Variants in SH3PXD2A observed in about 807,000 individuals in gnomAD.
SH3PXD2A encodes SH3 and PX domains 2A.
In SH3PXD2A, 32 loss-of-function variants were observed where a neutral mutation model predicts 115.2. That is an observed-to-expected ratio of 0.28 (90% CI 0.21 to 0.37). SH3PXD2A has a LOEUF of 0.37. Among genes scored for constraint, SH3PXD2A ranks in the 10% least tolerant of loss-of-function variants. The pLI is 1.00. For missense variants in SH3PXD2A, 1,328 were observed against 1,498.7 expected (o/e 0.89, Z 1.88); for synonymous variants, 610 against 629.1 (o/e 0.97, Z 0.45).
At chr10:103,789,458 G>A (rs1004287632) in intron 2 of SH3PXD2A, among the ~76,000 whole-genome samples, 1 of 152,170 alleles carries the variant, frequency 6.6e-6, no homozygotes, top group African/African-American at 2.4e-5. Context: ...GGTGCCAGGA[G>A]GCACTTGAAA....
chr10:103,839,106 T>G (rs540931568), intron 1 of SH3PXD2A, among the ~76,000 whole-genome samples: 1 of 152,320 alleles, frequency 6.6e-6, no homozygotes, highest in South Asian at 2.1e-4. Context: ...CCCTTGGCTG[T>G]GGACATAATC....
intron 3 of SH3PXD2A, among the ~76,000 whole-genome samples, chr10:103,755,909 C>G (rs1219872138): frequency 1.3e-5 from 2 of 152,196 alleles, no homozygotes; most frequent in African/African-American, 4.8e-5. Flanking sequence ...ACAGTTGAAG[C>G]CTGCAGGGGT....
At chr10:103,604,649 G>A (rs1219581035) in intron 14 of SH3PXD2A, among the ~76,000 whole-genome samples, 1 of 152,126 alleles carries the variant, frequency 6.6e-6, no homozygotes, top group East Asian at 1.9e-4. Context: ...AAGGAGGGAG[G>A]GAAAGGTGAA....
chr10:103,643,917 C>A (rs540590045), intron 8 of SH3PXD2A, among the ~76,000 whole-genome samples: 1 of 151,204 alleles, frequency 6.6e-6, no homozygotes, highest in African/African-American at 2.4e-5. Flanking sequence ...CGAGACTATC[C>A]TGGCTAACAG....
At chr10:103,639,775 C>A (rs961280119) in intron 8 of SH3PXD2A, among the ~76,000 whole-genome samples, 2 of 152,142 alleles carry the variant, frequency 1.3e-5, no homozygotes, top group Admixed American at 6.5e-5. Context: ...ATGGAAGATG[C>A]AAGAAGGTAA....
At position 103,598,815 on chromosome 10, in the gene SH3PXD2A, G is replaced by A. The variant is rs1253241351; in HGVS notation, c.*3001C>T. On this transcript the variant is annotated 3_prime_UTR_variant, in exon 15 of 15. Coordinates refer to ENST00000369774, the MANE Select transcript of SH3PXD2A (RefSeq NM_001394015.1). Reference sequence around the variant, plus strand: ...AGGCCTGGTACCCCCTGGCCATGTCGGAGAAGGACTGGCATGCACCCTTCT... The same window carrying A: ...AGGCCTGGTACCCCCTGGCCATGTCAGAGAAGGACTGGCATGCACCCTTCT... The A allele has an allele frequency of 6.6e-6, 1 of 152,634 alleles. No homozygotes were observed. The highest frequency in any genetic ancestry group is 1.5e-5 in the Non-Finnish European group (1 of 68,052). 9.5% of individuals were successfully genotyped at this position (152,634 alleles called of 1,614,324 possible). A position where few individuals can be genotyped will look rare whatever the true frequency, so the allele number is the denominator to read the frequency against.
chr10:103,771,188 C>T lies in SH3PXD2A; in HGVS notation c.154-4019G>A, dbSNP rs547214115. On this transcript the variant is annotated intron_variant, in intron 2 of 14. Transcript: ENST00000369774. ...TTCCACCACAAGTGGTGAGACCTCA[C>T]CCAAGGTGCTATATCTCTCTGGGGC... Among the ~76,000 whole-genome samples, 123 of 152,328 alleles carry T rather than the reference C, an allele frequency of 8.1e-4. 4 individuals are homozygous for T. The South Asian group carries it at 0.024, about 29-fold the overall frequency.
At chr10:103,709,755 G>A (rs1317711879) in intron 5 of SH3PXD2A, among the ~76,000 whole-genome samples, 1 of 152,204 alleles carries the variant, frequency 6.6e-6, no homozygotes, top group African/African-American at 2.4e-5. Context: ...CTGCAAACTA[G>A]GGGGAAATGA....
intron 6 of SH3PXD2A, among the ~76,000 whole-genome samples, chr10:103,692,061 C>T (rs2037759046): frequency 6.6e-6 from 1 of 152,186 alleles, no homozygotes; most frequent in Non-Finnish European, 1.5e-5. Context: ...CCTCCTACAT[C>T]CCCAAGGGCC....
chr10:103,613,803 C>T lies in SH3PXD2A; in HGVS notation c.921-613G>A, dbSNP rs546124696. ...CATGTTGAGATCAACTAAGCTGTCT[C>T]CAACATCTTAGCTGGAATGGCTCCT... On this transcript the variant is annotated intron_variant, in intron 11 of 14. Coordinates refer to ENST00000369774, the MANE Select transcript of SH3PXD2A (RefSeq NM_001394015.1). Among the ~76,000 whole-genome samples the T allele has an allele frequency of 1.6e-3, 239 of 152,272 alleles. 3 individuals are homozygous for T. The highest frequency in any genetic ancestry group is 1.0e-3 in the Non-Finnish European group (68 of 68,028).
At chr10:103,661,246 C>A in intron 7 of SH3PXD2A, 132 bp from the exon 8 acceptor site, 1 of 1,092,138 alleles carries the variant, frequency 9.2e-7, no homozygotes, top group South Asian at 1.6e-5. Flanking sequence ...CAGCCCGCAG[C>A]CGGGGCTCGC....
chr10:103,822,991 T>C (rs1024385471), intron 1 of SH3PXD2A, among the ~76,000 whole-genome samples: 2 of 152,202 alleles, frequency 1.3e-5, no homozygotes, highest in African/African-American at 2.4e-5. Flanking sequence ...GTCTCAGACT[T>C]CGTGGGAGGG....
intron 1 of SH3PXD2A, among the ~76,000 whole-genome samples, chr10:103,840,284 C>A (rs1175731512): frequency 6.6e-6 from 1 of 152,180 alleles, no homozygotes; most frequent in East Asian, 1.9e-4. Context: ...TGCCAGACAC[C>A]CTAATCTAGC....
intron 12 of SH3PXD2A, among the ~76,000 whole-genome samples, chr10:103,612,617 C>T (rs1395249313): frequency 6.6e-6 from 1 of 152,234 alleles, no homozygotes; most frequent in African/African-American, 2.4e-5. Flanking sequence ...CCCACATCCT[C>T]ATGTGATCTA....
At chr10:103,739,757 A>G (rs748155078) in intron 3 of SH3PXD2A, among the ~76,000 whole-genome samples, 2 of 152,182 alleles carry the variant, frequency 1.3e-5, no homozygotes, top group Non-Finnish European at 2.9e-5. Flanking sequence ...CATGAGACAG[A>G]CCTAACTCAT....
chr10:103,778,202 G>A lies in SH3PXD2A; in HGVS notation c.154-11033C>T, dbSNP rs186416280. 1.3e-3 allele frequency among the ~76,000 whole-genome samples: 196 copies of A among 152,252 alleles called. 1 individual carries two copies. The highest frequency in any genetic ancestry group is 0.01 in the South Asian group (49 of 4,818). On this transcript the variant is annotated intron_variant, in intron 2 of 14. Transcript: ENST00000369774. ...AAAAAAATTAGCTGGGCACGGTGGCGGATGCCTGTAGTCCCAGCTACTCGG... is the reference window on the plus strand; with the variant it reads ...AAAAAAATTAGCTGGGCACGGTGGCAGATGCCTGTAGTCCCAGCTACTCGG...
chr10:103,853,411 C>T (rs995777635), intron 1 of SH3PXD2A, among the ~76,000 whole-genome samples: 2 of 152,224 alleles, frequency 1.3e-5, no homozygotes, highest in Non-Finnish European at 2.9e-5. Context: ...TAGATGATCT[C>T]ATTTAATTCT....
At position 103,724,361 on chromosome 10, in the gene SH3PXD2A, C is replaced by A. The variant is rs372408078; in HGVS notation, c.307G>T (p.Ala103Ser). The change falls in exon 5 of 15, where the codon GCA (alanine) becomes TCA (serine). Residue 103 changes from alanine (A) to serine (S), a missense_variant and splice_region_variant. By Grantham distance (99) the Ala-to-Ser change is moderately conservative. Coordinates refer to ENST00000369774, the MANE Select transcript of SH3PXD2A (RefSeq NM_001394015.1). ...RLKPIDEYCR[A>S]LVRLPPHISQ... ...ATGTGGGGGGGCAGCCGGACAAGTG[C>A]CTGTGGAGAGACAGGAAGAAAGGGC... The A allele has an allele frequency of 4.5e-6, 7 of 1,570,526 alleles. No homozygotes were observed. Among genetic ancestry groups the A allele is most frequent in the Non-Finnish European group, 6.0e-6 (7 of 1,160,188 alleles).
At chr10:103,657,112 T>G (rs989482261) in intron 8 of SH3PXD2A, among the ~76,000 whole-genome samples, 1 of 151,920 alleles carries the variant, frequency 6.6e-6, no homozygotes, top group South Asian at 2.1e-4. Flanking sequence ...GTAAAAAAAA[T>G]GATGGACCAG....
Sources: gnomAD v4.1 joint callset for allele counts (sites outside exome capture counted in the v4.1 genomes callset) on GRCh38, gnomAD v4.1.1 for gene constraint, MANE v1.5 for transcripts, NCBI Gene and HGNC (gene_info 2026-07-23, HGNC 2026-07-21) for gene names.